Variants in DYNC1LI1 observed in about 807,000 individuals in gnomAD.
DYNC1LI1 encodes dynein cytoplasmic 1 light intermediate chain 1.
Under a neutral mutation model 63.8 loss-of-function variants are expected in DYNC1LI1, and 19 were observed. That is an observed-to-expected ratio of 0.30 (90% CI 0.21 to 0.44). The LOEUF is 0.44. DYNC1LI1 is among the 20% of genes least tolerant of loss of function. DYNC1LI1 has a pLI of 1.00. For synonymous variants in DYNC1LI1, 225 were observed against 232.3 expected, an observed-to-expected ratio of 0.97 and a Z score of 0.28; for missense variants, 565 against 630.2, an observed-to-expected ratio of 0.90 and a Z score of 1.11.
rs565306914 is a variant in DYNC1LI1 at position 32,553,447 on chromosome 3, G to A, written c.221-7482C>T. ...TCCCTAAATGCAGGATACAAATTTCGTCCCCTTACCTACTTTGAGAGTATT... is the reference window on the plus strand; with the variant it reads ...TCCCTAAATGCAGGATACAAATTTCATCCCCTTACCTACTTTGAGAGTATT... On this transcript the variant is annotated intron_variant, in intron 2 of 12. Transcript: ENST00000273130. Among the ~76,000 whole-genome samples, 15 of 152,246 alleles carry A rather than the reference G, an allele frequency of 9.9e-5. No homozygotes were observed. In the South Asian group the frequency reaches 1.9e-3, roughly 19 times the overall value.
intron 2 of DYNC1LI1, among the ~76,000 whole-genome samples, chr3:32,567,634 G>A (rs1258620860): frequency 4.6e-5 from 7 of 151,450 alleles, no homozygotes; most frequent in African/African-American, 1.7e-4. Flanking sequence ...TGCCTCCAGG[G>A]CTCAAGTTGT....
chr3:32,530,735 C>T, intron 8 of DYNC1LI1: 1 of 509,144 alleles, frequency 2.0e-6, no homozygotes, highest in East Asian at 3.1e-5. Flanking sequence ...TATATCTGTG[C>T]TGTTCAATAT....
At chr3:32,533,428 G>C (rs1413829234) in intron 7 of DYNC1LI1, among the ~76,000 whole-genome samples, 1 of 152,158 alleles carries the variant, frequency 6.6e-6, no homozygotes, top group Non-Finnish European at 1.5e-5. Flanking sequence ...AGTGAGCCGA[G>C]ATCGCACCAT....
At chr3:32,563,779 T>C (rs181088291) in intron 2 of DYNC1LI1, among the ~76,000 whole-genome samples, 168 of 152,348 alleles carry the variant, frequency 1.1e-3, no homozygotes, top group African/African-American at 3.6e-3. Flanking sequence ...TTTTCTGCTT[T>C]TGACAGTAGC....
rs964857666 is a variant in DYNC1LI1 at position 32,526,622 on chromosome 3, T to C, written c.*177A>G. The stretch of plus-strand genomic sequence containing the variant: ...CCTACATAATGTAGAATAATTTTTC[T>C]TCTGTACGGCTCCTTCTAAAAAATG... On this transcript the variant is annotated 3_prime_UTR_variant, in exon 13 of 13. Coordinates refer to ENST00000273130, the MANE Select transcript of DYNC1LI1 (RefSeq NM_016141.4). The C allele has an allele frequency of 2.1e-6, 1 of 482,798 alleles. No individual in the cohort carries two copies. The highest frequency in any genetic ancestry group is 3.8e-6 in the Non-Finnish European group (1 of 265,422). 29.9% of individuals were successfully genotyped at this position (482,798 alleles called of 1,614,324 possible). A position where few individuals can be genotyped will look rare whatever the true frequency, so the allele number is the denominator to read the frequency against.
At chr3:32,533,422 A>G (rs1697728478) in intron 7 of DYNC1LI1, among the ~76,000 whole-genome samples, 1 of 152,206 alleles carries the variant, frequency 6.6e-6, no homozygotes, top group Admixed American at 6.5e-5. Context: ...AGCTGAAGTG[A>G]GCCGAGATCG....
chr3:32,538,008 A>T lies in DYNC1LI1; in HGVS notation c.739-904T>A, dbSNP rs1379505685. ...ATATATATATATAATTTATATATAT[A>T]ATATATATATATAATTTATATATAT... On this transcript the variant is annotated intron_variant, in intron 5 of 12. Coordinates refer to ENST00000273130, the MANE Select transcript of DYNC1LI1 (RefSeq NM_016141.4). Among the ~76,000 whole-genome samples, 23 of 26,244 alleles carry T rather than the reference A, an allele frequency of 8.8e-4. 3 individuals carry two copies. The highest frequency in any genetic ancestry group is 4.8e-3 in the African/African-American group (22 of 4,550). The allele number at this position is 26,244 out of a possible 152,430, so 17.2% of individuals were successfully genotyped here.
chr3:32,570,410 G>A lies in DYNC1LI1; in HGVS notation c.156C>T (p.Ile52=), dbSNP rs1423251012. 3.1e-6 allele frequency: 5 copies of A among 1,603,086 alleles called. No individual in the cohort carries two copies. Among genetic ancestry groups the A allele is most frequent in the Non-Finnish European group, 3.4e-6 (4 of 1,176,128 alleles). Reference sequence around the variant, plus strand: ...GCGAGCGGGTGGAGACCTCGCTGAGGATGCAGGACCTAACGGGAAGCAAGG... The same window carrying A: ...GCGAGCGGGTGGAGACCTCGCTGAGAATGCAGGACCTAACGGGAAGCAAGG... ...DEDGQNLWSC[I]LSEVSTRSRS... The change falls in exon 2 of 13, where the codon ATC becomes ATT. Residue 52 remains isoleucine, a synonymous_variant. Transcript: ENST00000273130.
In DYNC1LI1 at chr3:32,557,763, C is replaced by A. The variant is rs564830934; in HGVS notation, c.221-11798G>T. On this transcript the variant is annotated intron_variant, in intron 2 of 12. Coordinates refer to ENST00000273130, the MANE Select transcript of DYNC1LI1 (RefSeq NM_016141.4). ...GGTTTCCAACGATACTTGAAATAAT[C>A]CAGCTACCTATCTTCAGTTCCTTGG... Among the ~76,000 whole-genome samples the A allele has an allele frequency of 9.4e-4, 143 of 152,188 alleles. 1 individual carries two copies. Among genetic ancestry groups the A allele is most frequent in the African/African-American group, 3.3e-3 (138 of 41,536 alleles).
chr3:32,540,022 G>A (rs1347980358), intron 5 of DYNC1LI1, among the ~76,000 whole-genome samples: 3 of 150,568 alleles, frequency 2.0e-5, no homozygotes, highest in African/African-American at 7.3e-5. Context: ...CCGCCACCAC[G>A]CCTGGCTAAT....
Position 32,526,675 on chromosome 3 carries a change from A to AC in DYNC1LI1, c.*123dup. 1 of 693,150 alleles carries AC rather than the reference A, an allele frequency of 1.4e-6. No individual in the cohort carries two copies. Among genetic ancestry groups the AC allele is most frequent in the Non-Finnish European group, 2.5e-6 (1 of 397,640 alleles). The allele number at this position is 693,150 out of a possible 1,614,324, so 42.9% of individuals were successfully genotyped here. A position where few individuals can be genotyped will look rare whatever the true frequency, so the allele number is the denominator to read the frequency against. The stretch of plus-strand genomic sequence containing the variant: ...TAACCACACACACACACACACACAC[A>AC]CACGACATAAATTTAGTCCATCTGA... On this transcript the variant is annotated 3_prime_UTR_variant, in exon 13 of 13. Transcript: ENST00000273130.
intron 2 of DYNC1LI1, among the ~76,000 whole-genome samples, chr3:32,569,775 AC>A (rs1698316319): frequency 6.6e-6 from 1 of 152,198 alleles, no homozygotes; most frequent in Non-Finnish European, 1.5e-5. Context: ...GGCTGAAAAG[AC>A]TTAACTAGAA....
chr3:32,548,072 G>A (rs1697980949), intron 2 of DYNC1LI1, among the ~76,000 whole-genome samples: 1 of 151,910 alleles, frequency 6.6e-6, no homozygotes, highest in African/African-American at 2.4e-5. Flanking sequence ...AAGAAGGAAG[G>A]AATTTCCATC....
At chr3:32,552,392 C>A (rs1159974394) in intron 2 of DYNC1LI1, among the ~76,000 whole-genome samples, 1 of 152,032 alleles carries the variant, frequency 6.6e-6, no homozygotes, top group Non-Finnish European at 1.5e-5. Flanking sequence ...AAACTCCCGG[C>A]CTCAAGCATT....
intron 2 of DYNC1LI1, among the ~76,000 whole-genome samples, chr3:32,550,030 G>C (rs1393947090): frequency 6.6e-6 from 1 of 152,184 alleles, no homozygotes; most frequent in East Asian, 1.9e-4. Flanking sequence ...GCGATATTAT[G>C]AGTAATTTTT....
intron 2 of DYNC1LI1, among the ~76,000 whole-genome samples, chr3:32,565,572 T>C (rs762468678): frequency 6.6e-6 from 1 of 152,230 alleles, no homozygotes; most frequent in Non-Finnish European, 1.5e-5. Context: ...GGAGATTCTA[T>C]AGATTAAGAG....
chr3:32,568,111 C>G (rs1698294173), intron 2 of DYNC1LI1, among the ~76,000 whole-genome samples: 1 of 152,178 alleles, frequency 6.6e-6, no homozygotes. Context: ...GCTGGGATTA[C>G]AGGCGTGGGC....
At chr3:32,567,283 GGAGA>G (rs1308339857) in intron 2 of DYNC1LI1, among the ~76,000 whole-genome samples, 2 of 152,268 alleles carry the variant, frequency 1.3e-5, no homozygotes, top group African/African-American at 4.8e-5. Context: ...TGATCAGGGA[GGAGA>G]GAGGAGGTGA....
intron 2 of DYNC1LI1, among the ~76,000 whole-genome samples, chr3:32,559,247 T>G (rs749304442): frequency 2.6e-5 from 4 of 151,760 alleles, no homozygotes; most frequent in South Asian, 2.1e-4. Flanking sequence ...TATATAGTTT[T>G]TGTGTGTGTG....
Sources: gnomAD v4.1 joint callset for allele counts (sites outside exome capture counted in the v4.1 genomes callset) on GRCh38, gnomAD v4.1.1 for gene constraint, MANE v1.5 for transcripts, NCBI Gene and HGNC (gene_info 2026-07-23, HGNC 2026-07-21) for gene names.